Variants in CSMD2 observed in about 807,000 individuals in gnomAD.
CSMD2 encodes the protein CUB and sushi domain-containing protein 2.
A neutral mutation model predicts 398.5 loss-of-function variants in CSMD2; 130 were observed. The ratio of observed to expected loss-of-function variants is 0.33; its 90% CI spans 0.28 to 0.38. The LOEUF is 0.38. CSMD2 is among the 10% of genes least tolerant of loss of function. The pLI is 1.00. For missense variants in CSMD2, 3,829 were observed against 4,764.9 expected (o/e 0.80, Z 5.78); for synonymous variants, 1,828 against 1,908.5 (o/e 0.96, Z 1.10).
intron 26 of CSMD2, among the ~76,000 whole-genome samples, chr1:33,660,251 G>C (rs998112261): frequency 6.6e-6 from 1 of 152,208 alleles, no homozygotes; most frequent in African/African-American, 2.4e-5. Context: ...TGTGAAAATT[G>C]TAAGAGCTGA....
intron 3 of CSMD2, among the ~76,000 whole-genome samples, chr1:34,025,419 A>G (rs1037499211): frequency 9.2e-5 from 14 of 152,204 alleles, no homozygotes; most frequent in African/African-American, 3.4e-4. Flanking sequence ...TGCCCAGTAA[A>G]TATTAGCTCA....
chr1:33,973,366 T>G (rs1055415933), intron 3 of CSMD2, among the ~76,000 whole-genome samples: 2 of 152,224 alleles, frequency 1.3e-5, no homozygotes, highest in African/African-American at 4.8e-5. Context: ...AGATGGGGTC[T>G]GAAATGGAAT....
chr1:33,640,525 A>G (rs1264405494), intron 29 of CSMD2, among the ~76,000 whole-genome samples: 1 of 152,226 alleles, frequency 6.6e-6, no homozygotes, highest in African/African-American at 2.4e-5. Flanking sequence ...TGCCTTTAGC[A>G]TTACGAAGCA....
At chr1:33,932,626 G>C (rs181841973) in intron 4 of CSMD2, among the ~76,000 whole-genome samples, 1 of 152,302 alleles carries the variant, frequency 6.6e-6, no homozygotes, top group Non-Finnish European at 1.5e-5. Flanking sequence ...AAGACACTGG[G>C]TTGTGAGCCT....
At chr1:33,622,334 C>A in intron 36 of CSMD2, 63 bp from the exon 37 acceptor site, 9 of 1,214,892 alleles carry the variant, frequency 7.4e-6, no homozygotes, top group Non-Finnish European at 1.1e-5. Context: ...TGCATTCCTC[C>A]CCATTCCTCT....
At chr1:33,805,576 C>A (rs945922433) in intron 10 of CSMD2, among the ~76,000 whole-genome samples, 1 of 152,074 alleles carries the variant, frequency 6.6e-6, no homozygotes, top group Non-Finnish European at 1.5e-5. Context: ...CCCCTGAATT[C>A]ACATGTTGAA....
chr1:33,700,450 G>A, intron 23 of CSMD2, 67 bp downstream of exon 23: 1 of 1,547,060 alleles, frequency 6.5e-7, no homozygotes, highest in Non-Finnish European at 8.9e-7. Context: ...GCAAGCAGAA[G>A]CTCAAATAAA....
chr1:33,754,482 G>C (rs1648718456), intron 13 of CSMD2, among the ~76,000 whole-genome samples: 1 of 152,134 alleles, frequency 6.6e-6, no homozygotes, highest in Non-Finnish European at 1.5e-5. Flanking sequence ...GCAGAACTGT[G>C]AGCCAAATTC....
chr1:33,965,754 G>C (rs910316718), intron 3 of CSMD2, among the ~76,000 whole-genome samples: 2 of 152,214 alleles, frequency 1.3e-5, no homozygotes, highest in African/African-American at 4.8e-5. Flanking sequence ...TTTCAAGATG[G>C]TCATAGCAGA....
chr1:33,875,802 A>G (rs1640800125), intron 5 of CSMD2, among the ~76,000 whole-genome samples: 2 of 152,182 alleles, frequency 1.3e-5, no homozygotes, highest in African/African-American at 4.8e-5. Context: ...ATCAGCCAAG[A>G]GGTGGAGGGA....
At position 33,533,324 on chromosome 1, in the gene CSMD2, T is replaced by C. The variant is rs924377144; in HGVS notation, c.9992-95A>G. On this transcript the variant is annotated intron_variant, in intron 63 of 70. Transcript: ENST00000373381. The surrounding 1 kb of genome is among the most constrained non-coding windows in gnomAD (Gnocchi z 4.2). The stretch of plus-strand genomic sequence containing the variant: ...CCTGTTCCTAGATAGAATATCCTCT[T>C]CCTTTCCCTTCCAGTCCCTTTCATG... 3.6e-6 allele frequency: 4 copies of C among 1,100,458 alleles called. No homozygotes were observed. Among genetic ancestry groups the C allele is most frequent in the Non-Finnish European group, 5.3e-6 (4 of 758,648 alleles). 68.2% of individuals were successfully genotyped at this position (1,100,458 alleles called of 1,614,324 possible).
rs150073654 is a variant in CSMD2, at chr1:33,546,330, G to A, written c.8918-111C>T. 13 of 1,071,948 alleles carry A rather than the reference G, an allele frequency of 1.2e-5. No individual in the cohort carries two copies. The African/African-American group carries it at 1.3e-4, about 10-fold the overall frequency. The allele number at this position is 1,071,948 out of a possible 1,614,324, so 66.4% of individuals were successfully genotyped here. ...ACTAAGGGGATGCAGTGGGTCCCACGAATGAGGCCTAGCACAAGTTACCTG... is the reference window on the plus strand; with the variant it reads ...ACTAAGGGGATGCAGTGGGTCCCACAAATGAGGCCTAGCACAAGTTACCTG... On this transcript the variant is annotated intron_variant, in intron 56 of 70. Coordinates refer to ENST00000373381, the MANE Select transcript of CSMD2 (RefSeq NM_001281956.2).
chr1:33,860,798 TCA>T (rs1266935770), intron 5 of CSMD2: 4 of 152,324 alleles, frequency 2.6e-5, no homozygotes, highest in Admixed American at 1.3e-4. Context: ...AAAGAGGATC[TCA>T]CAGTCTCCGA....
At chr1:33,595,565 A>G (rs1330516696) in intron 44 of CSMD2, among the ~76,000 whole-genome samples, 1 of 152,186 alleles carries the variant, frequency 6.6e-6, no homozygotes, top group Non-Finnish European at 1.5e-5. Flanking sequence ...CTGCGTGGAT[A>G]TACATAGTGT....
At position 33,678,204 on chromosome 1, in the gene CSMD2, A is replaced by G. The variant is rs369875566; in HGVS notation, c.4052+14726T>C. 1.8e-3 allele frequency among the ~76,000 whole-genome samples: 266 copies of G among 151,708 alleles called. 12 individuals carry two copies. The South Asian group carries it at 0.052, about 30-fold the overall frequency. The stretch of plus-strand genomic sequence containing the variant: ...CATGCTCGCTCCCCCTTCTCTATCC[A>G]CCATGAGTAGAAGCTTACTGAGGCC... On this transcript the variant is annotated intron_variant, in intron 25 of 70. Transcript: ENST00000373381.
intron 5 of CSMD2, among the ~76,000 whole-genome samples, chr1:33,900,899 C>G (rs1642712145): frequency 1.3e-5 from 2 of 152,116 alleles, no homozygotes; most frequent in African/African-American, 4.8e-5. Flanking sequence ...TATATTAAGG[C>G]AGGAGGAAGG....
intron 22 of CSMD2, among the ~76,000 whole-genome samples, chr1:33,707,689 GCGCGCGCACACACA>G (rs146983311): frequency 0.12 from 14,947 of 126,338 alleles, 849 homozygotes; most frequent in Middle Eastern, 0.15. Context: ...GCACACGCGC[GCGCGCGCACACACA>G]CACACACACA....
chr1:33,544,759 G>T (rs1439233459), intron 57 of CSMD2, among the ~76,000 whole-genome samples: 2 of 151,564 alleles, frequency 1.3e-5, no homozygotes, highest in African/African-American at 2.4e-5. Flanking sequence ...GCAGAGTAGG[G>T]AGACTATAGT....
At chr1:34,060,508 G>C (rs768931412) in intron 2 of CSMD2, among the ~76,000 whole-genome samples, 1 of 152,124 alleles carries the variant, frequency 6.6e-6, no homozygotes, top group African/African-American at 2.4e-5. Context: ...GCGGCAGCCT[G>C]GGGGGAGCTC....
Sources: allele counts gnomAD v4.1 joint callset (sites outside exome capture counted in the v4.1 genomes callset), GRCh38; gene constraint gnomAD v4.1.1; non-coding constraint Gnocchi (gnomAD v3.1); transcripts MANE v1.5; gene names NCBI Gene and HGNC (gene_info 2026-07-23, HGNC 2026-07-21).